The following RNF149 variants were observed in gnomAD, a reference collection of about 807,000 sequenced individuals.
The protein encoded by RNF149 is ring finger protein 149.
In RNF149, 21 loss-of-function variants were observed where a neutral mutation model predicts 39.0. The observed-to-expected ratio is 0.54, with a 90% CI of 0.38 to 0.77. The LOEUF is 0.77. RNF149 is among the 30% of genes least tolerant of loss of function. The probability of loss-of-function intolerance (pLI) is 0.00; values close to 1 mark genes in which losing one functional copy is unlikely to be tolerated. For synonymous variants in RNF149, 209 were observed against 213.6 expected (o/e 0.98, Z 0.19); for missense variants, 493 against 534.9 (o/e 0.92, Z 0.77).
At chr2:101,303,304 T>G (rs1427042097) in intron 1 of RNF149, among the ~76,000 whole-genome samples, 1 of 151,364 alleles carries the variant, frequency 6.6e-6, no homozygotes, top group African/African-American at 2.4e-5. Flanking sequence ...TTTTGTATTT[T>G]TAGTAGAGAC....
At chr2:101,273,158 T>C (rs888475481), downstream of RNF149, 4 of 1,316,720 alleles carry the variant, frequency 3.0e-6, no homozygotes, top group South Asian at 1.2e-5. Context: ...TACACCTCTC[T>C]GGCCCTTTAG....
Position 101,275,617 on chromosome 2 carries a change from A to G in RNF149, c.*1621T>C, listed in dbSNP as rs1682315743. On this transcript the variant is annotated 3_prime_UTR_variant, in exon 7 of 7. Coordinates refer to ENST00000295317, the MANE Select transcript of RNF149 (RefSeq NM_173647.4). ...CCACTACGCCCGGCTAATTTTTTGT[A>G]TTTTTAGTAGAGACGGGGTTTCACC... 1 of 149,370 alleles carries G rather than the reference A, an allele frequency of 6.7e-6. No homozygotes were observed. The highest frequency in any genetic ancestry group is 2.6e-5 in the African/African-American group (1 of 37,976). The allele number at this position is 149,370 out of a possible 1,614,324, so 9.3% of individuals were successfully genotyped here. A position where few individuals can be genotyped will look rare whatever the true frequency, so the allele number is the denominator to read the frequency against.
chr2:101,308,104 C>T, intron 1 of RNF149, 25 bp downstream of exon 1: 2 of 1,602,202 alleles, frequency 1.2e-6, no homozygotes, highest in East Asian at 2.3e-5. Context: ...GTCCCCCTCC[C>T]GTCCTCGCGC....
intron 3 of RNF149, among the ~76,000 whole-genome samples, chr2:101,289,542 T>C (rs1424133997): frequency 2.0e-5 from 3 of 151,822 alleles, no homozygotes; most frequent in Admixed American, 6.6e-5. Flanking sequence ...TCATCTTTAC[T>C]AAAAATACAA....
At chr2:101,275,576 G>A (rs1682313612), downstream of RNF149, 1 of 147,078 alleles carries the variant, frequency 6.8e-6, no homozygotes, top group Non-Finnish European at 1.5e-5. Flanking sequence ...CAAGTAGCTG[G>A]GACTACAGGC....
At chr2:101,299,907 C>T (rs2104428590) in intron 1 of RNF149, among the ~76,000 whole-genome samples, 1 of 152,350 alleles carries the variant, frequency 6.6e-6, no homozygotes, top group Middle Eastern at 3.4e-3. Flanking sequence ...AACGTCCCTT[C>T]CCCATCCGCC....
At chr2:101,306,188 T>C (rs1683652512) in intron 1 of RNF149, among the ~76,000 whole-genome samples, 1 of 152,154 alleles carries the variant, frequency 6.6e-6, no homozygotes. Flanking sequence ...AATGCTATTA[T>C]CAAAAAATGC....
chr2:101,272,140 A>G (rs1344677970), downstream of RNF149, among the ~76,000 whole-genome samples: 2 of 152,192 alleles, frequency 1.3e-5, no homozygotes, highest in East Asian at 3.8e-4. Context: ...TTTTTATGCA[A>G]TCACTACTGT....
chr2:101,271,747 G>A (rs1682136927), downstream of RNF149: 1 of 152,038 alleles, frequency 6.6e-6, no homozygotes, highest in Non-Finnish European at 1.5e-5. Context: ...CAAATCACCT[G>A]TTAAAAAGAA....
intron 1 of RNF149, among the ~76,000 whole-genome samples, chr2:101,303,806 G>A (rs1334310383): frequency 6.6e-6 from 1 of 152,060 alleles, no homozygotes; most frequent in Admixed American, 6.6e-5. Flanking sequence ...TAATCAATAG[G>A]AGGGATTTCT....
At chr2:101,280,209 T>C (rs950562452) in intron 6 of RNF149, among the ~76,000 whole-genome samples, 16 of 151,488 alleles carry the variant, frequency 1.1e-4, no homozygotes, top group African/African-American at 3.9e-4. Flanking sequence ...ATAATGATGA[T>C]GATGATGATA....
Position 101,276,994 on chromosome 2 carries a change from TA to T in RNF149, c.*243del, listed in dbSNP as rs1558775419. On this transcript the variant is annotated 3_prime_UTR_variant, in exon 7 of 7. Transcript: ENST00000295317. ...GTACCTGCCCCAGTTGTCTTTGTAATAGTCTGAAGCAACACACTGTTCATGG... is the reference window on the plus strand; with the variant it reads ...GTACCTGCCCCAGTTGTCTTTGTAATGTCTGAAGCAACACACTGTTCATGG... The T allele has an allele frequency of 8.2e-7, 1 of 1,219,104 alleles. No homozygotes were observed. The highest frequency in any genetic ancestry group is 1.0e-6 in the Non-Finnish European group (1 of 968,034). 75.5% of individuals were successfully genotyped at this position (1,219,104 alleles called of 1,614,324 possible). A position where few individuals can be genotyped will look rare whatever the true frequency, so the allele number is the denominator to read the frequency against.
chr2:101,282,929 C>T (rs555795686), intron 5 of RNF149, among the ~76,000 whole-genome samples: 132 of 152,276 alleles, frequency 8.7e-4, no homozygotes, highest in Non-Finnish European at 2.5e-4. Context: ...ATCCCTACTC[C>T]TGACACACCA....
intron 1 of RNF149, among the ~76,000 whole-genome samples, chr2:101,299,871 A>G (rs895130425): frequency 6.6e-6 from 1 of 152,230 alleles, no homozygotes; most frequent in African/African-American, 2.4e-5. Context: ...AGCCAGTTCT[A>G]AAGTCTGAAG....
intron 1 of RNF149, among the ~76,000 whole-genome samples, chr2:101,306,290 G>A (rs1217473623): frequency 6.6e-6 from 1 of 152,186 alleles, no homozygotes; most frequent in Non-Finnish European, 1.5e-5. Context: ...CAGCATCAGA[G>A]AATCAATGGC....
chr2:101,302,832 T>C (rs890684583), intron 1 of RNF149, among the ~76,000 whole-genome samples: 4 of 152,000 alleles, frequency 2.6e-5, no homozygotes, highest in Non-Finnish European at 1.5e-5. Flanking sequence ...TTTAAAAAAT[T>C]AGCCAGGTGT....
chr2:101,299,606 A>G (rs901393994), intron 1 of RNF149, among the ~76,000 whole-genome samples: 2 of 152,224 alleles, frequency 1.3e-5, no homozygotes, highest in African/African-American at 4.8e-5. Flanking sequence ...TCAAGCACAT[A>G]CAAAGTAGAA....
downstream of RNF149, among the ~76,000 whole-genome samples, chr2:101,275,406 C>G (rs555977304): frequency 6.8e-6 from 1 of 146,228 alleles, no homozygotes; most frequent in African/African-American, 2.5e-5. Context: ...CGTGAGCCAC[C>G]GCGCCCGGCC....
chr2:101,308,292 G>A lies in RNF149; in HGVS notation c.297C>T (p.Pro99=). 6.3e-7 allele frequency: 1 copy of A among 1,579,148 alleles called. No individual in the cohort carries two copies. Among genetic ancestry groups the A allele is most frequent in the Non-Finnish European group, 8.6e-7 (1 of 1,165,466 alleles). ...GCAPDTRFFV[P]EPGGRGAAPW... ...GCGCGGCCCCTCGGCCGCCGGGCTC[G>A]GGCACGAAGAAGCGCGTGTCGGGCG... Residue 99 remains proline, a synonymous_variant, in exon 1 of 7, where the codon CCC becomes CCT. Transcript: ENST00000295317.
Sources: allele counts gnomAD v4.1 joint callset (sites outside exome capture counted in the v4.1 genomes callset), GRCh38; gene constraint gnomAD v4.1.1; transcripts MANE v1.5; gene names NCBI Gene and HGNC (gene_info 2026-07-23, HGNC 2026-07-21).